The following CCDC148 variants were observed in gnomAD, a reference collection of about 807,000 sequenced individuals.
CCDC148 encodes coiled-coil domain containing 148.
CCDC148 carries 89 observed loss-of-function variants against 85.7 expected under a neutral mutation model. The ratio of observed to expected loss-of-function variants is 1.04; its 90% confidence interval spans 0.87 to 1.24. The LOEUF (loss-of-function observed/expected upper bound fraction) is 1.24, where lower values mean the gene tolerates loss of function less well. CCDC148 is among the 50% of genes most tolerant of loss of function. The pLI is 0.00. For missense variants in CCDC148, 692 were observed against 671.7 expected (o/e 1.03, Z -0.33); for synonymous variants, 230 against 213.9 (o/e 1.08, Z -0.66).
At chr2:158,455,161 C>T (rs1372326435) in intron 1 of CCDC148, among the ~76,000 whole-genome samples, 1 of 152,150 alleles carries the variant, frequency 6.6e-6, no homozygotes, top group African/African-American at 2.4e-5. Context: ...TTGTGGTTTA[C>T]TTTTTCTGTT....
chr2:158,237,506 G>A (rs1300639852), intron 10 of CCDC148, among the ~76,000 whole-genome samples: 5 of 152,122 alleles, frequency 3.3e-5, no homozygotes, highest in Non-Finnish European at 5.9e-5. Flanking sequence ...ACAGGTAAGC[G>A]TATAAGGGCG....
At chr2:158,444,936 T>C (rs28516619) in intron 1 of CCDC148, among the ~76,000 whole-genome samples, 8,211 of 152,004 alleles carry the variant, frequency 0.054, 418 homozygotes, top group African/African-American at 0.13. Flanking sequence ...AAAAAGTTAA[T>C]GTAAAGTAGA....
Position 158,288,986 on chromosome 2 carries a change from A to G in CCDC148, c.1110+20447T>C, listed in dbSNP as rs376690021. On this transcript the variant is annotated intron_variant, in intron 9 of 13. Transcript: ENST00000283233. ...AAAAGCGGAAACCCCTGATAAATCC[A>G]TCATATCTCATGAGACTTAGTCACT... 299 of 237,280 alleles carry G rather than the reference A, an allele frequency of 1.3e-3. 1 individual carries two copies. Among genetic ancestry groups the G allele is most frequent in the African/African-American group, 6.4e-3 (275 of 42,672 alleles). The allele number at this position is 237,280 out of a possible 1,614,324, so 14.7% of individuals were successfully genotyped here. A position where few individuals can be genotyped will look rare whatever the true frequency, so the allele number is the denominator to read the frequency against.
At chr2:158,372,072 A>G (rs530855312) in intron 1 of CCDC148, among the ~76,000 whole-genome samples, 2 of 152,140 alleles carry the variant, frequency 1.3e-5, no homozygotes, top group East Asian at 1.9e-4. Flanking sequence ...AAAAGGGCCC[A>G]GTTTCCATGG....
rs1330739449 is a variant in CCDC148 at position 158,406,497 on chromosome 2, TTCTC to T, written c.26-47931_26-47928del. ...TACAGGGGAGAGGCTGGCCCTTTTG[TTCTC>T]TCTAATATTCCTCTACTCACAATGA... On this transcript the variant is annotated intron_variant, in intron 1 of 13. Transcript: ENST00000283233. Among the ~76,000 whole-genome samples the T allele has an allele frequency of 5.9e-5, 9 of 152,214 alleles. No individual in the cohort carries two copies. In the South Asian group the frequency reaches 1.7e-3, roughly 28 times the overall value.
chr2:158,336,817 C>T (rs1392122304), intron 7 of CCDC148, among the ~76,000 whole-genome samples: 1 of 152,094 alleles, frequency 6.6e-6, no homozygotes, highest in Non-Finnish European at 1.5e-5. Context: ...ACTTTGTCCT[C>T]AAGGGGTTTA....
At chr2:158,412,785 A>G (rs142814778) in intron 1 of CCDC148, among the ~76,000 whole-genome samples, 34 of 150,574 alleles carry the variant, frequency 2.3e-4, no homozygotes, top group African/African-American at 8.2e-4. Flanking sequence ...TTAATAAATT[A>G]TAATTGTTTA....
At chr2:158,220,448 A>G in intron 11 of CCDC148, 147 bp downstream of exon 11, 3 of 603,352 alleles carry the variant, frequency 5.0e-6, no homozygotes, top group Non-Finnish European at 5.7e-6. Context: ...TGCATCATAG[A>G]TATCATTGTA....
intron 1 of CCDC148, among the ~76,000 whole-genome samples, chr2:158,364,161 G>A (rs946896242): frequency 6.6e-6 from 1 of 152,110 alleles, no homozygotes; most frequent in African/African-American, 2.4e-5. Context: ...AAGTAAGAGA[G>A]GACACAAACA....
intron 7 of CCDC148, among the ~76,000 whole-genome samples, chr2:158,323,390 C>T (rs942824530): frequency 3.3e-5 from 5 of 152,164 alleles, no homozygotes; most frequent in Non-Finnish European, 7.4e-5. Context: ...GGAACTATTG[C>T]ATTAAATAAG....
chr2:158,418,099 T>G (rs1686588256), intron 1 of CCDC148, among the ~76,000 whole-genome samples: 1 of 145,690 alleles, frequency 6.9e-6, no homozygotes, highest in African/African-American at 2.5e-5. Flanking sequence ...CCCTTGAGTG[T>G]TTTTTTTTTT....
chr2:158,345,407 TTAAA>T, intron 2 of CCDC148, 89 bp from the exon 3 acceptor site: 1 of 810,216 alleles, frequency 1.2e-6, no homozygotes, highest in South Asian at 1.9e-5. Context: ...ATTTTCTAAG[TTAAA>T]TAGTTTCTCT....
Position 158,313,811 on chromosome 2 carries a change from G to C in CCDC148, c.848C>G (p.Thr283Ser). 6.2e-7 allele frequency: 1 copy of C among 1,613,998 alleles called. No homozygotes were observed. The highest frequency in any genetic ancestry group is 8.5e-7 in the Non-Finnish European group (1 of 1,179,928). ...TCTTTGTAACATGTCCAGATACAGAGTCCTTCTTCCAAAGAGATCTCCAGG... is the reference window on the plus strand; with the variant it reads ...TCTTTGTAACATGTCCAGATACAGACTCCTTCTTCCAAAGAGATCTCCAGG... ...QYPGDLFGRR[T>S]LYLDMLQRYF... Residue 283 changes from threonine (T) to serine (S), a missense_variant, in exon 8 of 14, where the codon ACT becomes AGT. By Grantham distance (58) the Thr-to-Ser change is moderately conservative. Transcript: ENST00000283233.
At chr2:158,278,711 C>A (rs1292060634) in intron 9 of CCDC148, among the ~76,000 whole-genome samples, 3 of 152,248 alleles carry the variant, frequency 2.0e-5, no homozygotes, top group Non-Finnish European at 4.4e-5. Context: ...CACAGACAAA[C>A]AAAAAGACAG....
At chr2:158,336,404 C>T (rs1682379732) in intron 7 of CCDC148, among the ~76,000 whole-genome samples, 1 of 151,998 alleles carries the variant, frequency 6.6e-6, no homozygotes, top group Non-Finnish European at 1.5e-5. Flanking sequence ...AAAATATTTT[C>T]TTTAGTTGAC....
chr2:158,225,409 T>C (rs918054927), intron 10 of CCDC148, among the ~76,000 whole-genome samples: 3 of 151,882 alleles, frequency 2.0e-5, no homozygotes, highest in Non-Finnish European at 4.4e-5. Flanking sequence ...GACAGAAAGT[T>C]AACAAGGATA....
At chr2:158,192,714 T>C (rs1331668515) in intron 11 of CCDC148, among the ~76,000 whole-genome samples, 2 of 151,956 alleles carry the variant, frequency 1.3e-5, no homozygotes, top group African/African-American at 4.8e-5. Context: ...GGCTCTCTCA[T>C]GGGGCCTAAC....
At chr2:158,201,514 A>AC (rs1685951719) in intron 11 of CCDC148, among the ~76,000 whole-genome samples, 1 of 152,060 alleles carries the variant, frequency 6.6e-6, no homozygotes, top group South Asian at 2.1e-4. Context: ...GGCTCAAGTG[A>AC]CCGTCCCACC....
intron 1 of CCDC148, among the ~76,000 whole-genome samples, chr2:158,389,888 G>A (rs1685235252): frequency 6.6e-6 from 1 of 152,178 alleles, no homozygotes; most frequent in African/African-American, 2.4e-5. Flanking sequence ...TGCACTGGCT[G>A]CTGTAGGAGT....
Sources: allele counts gnomAD v4.1 joint callset (sites outside exome capture counted in the v4.1 genomes callset), GRCh38; gene constraint gnomAD v4.1.1; transcripts MANE v1.5; gene names NCBI Gene and HGNC (gene_info 2026-07-23, HGNC 2026-07-21).